Variants in NET1 observed in about 807,000 individuals in gnomAD.
NET1 encodes neuroepithelial cell-transforming gene 1 protein.
In NET1, 42 loss-of-function variants were observed where a neutral mutation model predicts 61.1. The ratio of observed to expected loss-of-function variants is 0.69; its 90% CI spans 0.54 to 0.89. NET1 has a LOEUF of 0.89. Among genes scored for constraint, NET1 ranks in the 40% least tolerant of loss-of-function variants. The pLI is 0.00. For synonymous variants in NET1, 254 were observed against 281.8 expected, an observed-to-expected ratio of 0.90 and a Z score of 0.99; for missense variants, 654 against 747.3, an observed-to-expected ratio of 0.88 and a Z score of 1.46.
At chr10:5,445,145 T>G (rs1832585910) in intron 3 of NET1, among the ~76,000 whole-genome samples, 1 of 152,254 alleles carries the variant, frequency 6.6e-6, no homozygotes, top group Admixed American at 6.5e-5. Flanking sequence ...ATTGAGTACA[T>G]CCATCTGTTC....
rs763871634 is a variant in NET1 at position 5,453,702 on chromosome 10, A to C, written c.768+142A>C. 52 of 676,182 alleles carry C rather than the reference A, an allele frequency of 7.7e-5. No homozygotes were observed. Among genetic ancestry groups the C allele is most frequent in the Non-Finnish European group, 1.1e-4 (43 of 387,644 alleles). The allele number at this position is 676,182 out of a possible 1,614,324, so 41.9% of individuals were successfully genotyped here. A position where few individuals can be genotyped will look rare whatever the true frequency, so the allele number is the denominator to read the frequency against. ...GTTAAAACTGAACAAATTTACAGTGACATAAGAAGTTACAGTCTGTTTAAA... is the reference window on the plus strand; with the variant it reads ...GTTAAAACTGAACAAATTTACAGTGCCATAAGAAGTTACAGTCTGTTTAAA... On this transcript the variant is annotated intron_variant, in intron 8 of 11. Coordinates refer to ENST00000355029, the MANE Select transcript of NET1 (RefSeq NM_001047160.3). This position sits in a 1 kb window ranked among gnomAD's most constrained non-coding sequence, Gnocchi z 4.9.
chr10:5,453,629 T>C lies in NET1; in HGVS notation c.768+69T>C. On this transcript the variant is annotated intron_variant, in intron 8 of 11. Transcript: ENST00000355029. The surrounding 1 kb of genome is among the most constrained non-coding windows in gnomAD (Gnocchi z 4.9). ...GTGCCATGTTGCAGTTTCTGATGAA[T>C]ATGAGACAGATTTGATCCCACAACT... 7.4e-7 allele frequency: 1 copy of C among 1,346,744 alleles called. No homozygotes were observed. Among genetic ancestry groups the C allele is most frequent in the African/African-American group, 1.4e-5 (1 of 69,482 alleles). The allele number at this position is 1,346,744 out of a possible 1,614,324, so 83.4% of individuals were successfully genotyped here. A position where few individuals can be genotyped will look rare whatever the true frequency, so the allele number is the denominator to read the frequency against.
At position 5,435,522 on chromosome 10, in the gene NET1, TAGATAGATAGACAGAC is replaced by T. The variant is rs1241351217; in HGVS notation, c.255+6297_255+6312del. On this transcript the variant is annotated intron_variant, in intron 3 of 11. Transcript: ENST00000355029. The surrounding 1 kb of genome is among the most constrained non-coding windows in gnomAD (Gnocchi z 5.0). ...ATAGATAGATAGATAGATAGATAGA[TAGATAGATAGACAGAC>T]AGACAGATAGATAGATAGATAGATA... Among the ~76,000 whole-genome samples, 676 of 32,682 alleles carry T rather than the reference TAGATAGATAGACAGAC, an allele frequency of 0.021. 9 individuals are homozygous for T. Among genetic ancestry groups the T allele is most frequent in the Middle Eastern group, 0.089 (5 of 56 alleles). 21.4% of individuals were successfully genotyped at this position (32,682 alleles called of 152,430 possible).
chr10:5,417,906 T>C lies in NET1; in HGVS notation c.128+5086T>C. On this transcript the variant is annotated intron_variant, in intron 1 of 11. Transcript: ENST00000355029. The surrounding 1 kb of genome is among the most constrained non-coding windows in gnomAD (Gnocchi z 5.5). ...AGGTTTTAGGGTTTTTTTTCTTTTGTCTATTGAAATGATCATGTGGTTGTT... is the reference window on the plus strand; with the variant it reads ...AGGTTTTAGGGTTTTTTTTCTTTTGCCTATTGAAATGATCATGTGGTTGTT... Among the ~76,000 whole-genome samples, 1 of 152,214 alleles carries C rather than the reference T, an allele frequency of 6.6e-6. No homozygotes were observed.
At position 5,444,400 on chromosome 10, in the gene NET1, G is replaced by T. The variant is rs1466961193; in HGVS notation, c.256-7430G>T. Among the ~76,000 whole-genome samples, 1 of 152,100 alleles carries T rather than the reference G, an allele frequency of 6.6e-6. No homozygotes were observed. Among genetic ancestry groups the T allele is most frequent in the African/African-American group, 2.4e-5 (1 of 41,410 alleles). On this transcript the variant is annotated intron_variant, in intron 3 of 11. Transcript: ENST00000355029. This position sits in a 1 kb window ranked among gnomAD's most constrained non-coding sequence, Gnocchi z 5.3. Reference sequence around the variant, plus strand: ...GGCAATTACTTTTTATAGATTATTTGTCTTTATAAATAGTCTGCACCCACT... The same window carrying T: ...GGCAATTACTTTTTATAGATTATTTTTCTTTATAAATAGTCTGCACCCACT...
rs1382436877 is a variant in NET1, at chr10:5,449,599, A to G, written c.256-2231A>G. ...CGTTTCAGAAGTATGCTTTAGATAT[A>G]TTTACATTCACTTATCTAAATCTAA... is the stretch of plus-strand genomic sequence containing the variant. On this transcript the variant is annotated intron_variant, in intron 3 of 11. Coordinates refer to ENST00000355029, the MANE Select transcript of NET1 (RefSeq NM_001047160.3). This position sits in a 1 kb window ranked among gnomAD's most constrained non-coding sequence, Gnocchi z 4.4. Among the ~76,000 whole-genome samples the G allele has an allele frequency of 1.3e-5, 2 of 152,230 alleles. No homozygotes were observed. Among genetic ancestry groups the G allele is most frequent in the Non-Finnish European group, 2.9e-5 (2 of 68,048 alleles).
chr10:5,449,500 A>G lies in NET1; in HGVS notation c.256-2330A>G, dbSNP rs1414508973. Among the ~76,000 whole-genome samples, 1 of 152,352 alleles carries G rather than the reference A, an allele frequency of 6.6e-6. No individual in the cohort carries two copies. On this transcript the variant is annotated intron_variant, in intron 3 of 11. Coordinates refer to ENST00000355029, the MANE Select transcript of NET1 (RefSeq NM_001047160.3). This position sits in a 1 kb window ranked among gnomAD's most constrained non-coding sequence, Gnocchi z 4.4. ...TTGGATTTTTAAAGGACTGTGGAAC[A>G]TATTTAACCACCAAATACCACTTGG...
Position 5,443,004 on chromosome 10 carries a change from C to A in NET1, c.256-8826C>A, listed in dbSNP as rs968826171. On this transcript the variant is annotated intron_variant, in intron 3 of 11. Coordinates refer to ENST00000355029, the MANE Select transcript of NET1 (RefSeq NM_001047160.3). The surrounding 1 kb of genome is among the most constrained non-coding windows in gnomAD (Gnocchi z 4.8). Reference sequence around the variant, plus strand: ...GCTATAAGGCAGCTAATCTCTCAACCGTTTTTATGGTTTCCTCCTCTATAA... The same window carrying A: ...GCTATAAGGCAGCTAATCTCTCAACAGTTTTTATGGTTTCCTCCTCTATAA... Among the ~76,000 whole-genome samples, 1 of 152,182 alleles carries A rather than the reference C, an allele frequency of 6.6e-6. No homozygotes were observed. Among genetic ancestry groups the A allele is most frequent in the African/African-American group, 2.4e-5 (1 of 41,438 alleles).
chr10:5,452,397 G>A lies in NET1; in HGVS notation c.403G>A (p.Ala135Thr). ...TGGTGACCACAGATCCCCAGCCTCT[G>A]CCCAGAAGTTTTCTAGCAGGTCAAC... Reference protein sequence around the residue: ...LRGDHRSPASAQKFSSRSTVP... With the variant: ...LRGDHRSPASTQKFSSRSTVP... Residue 135 changes from alanine to threonine, a missense_variant, in exon 5 of 12, where the codon GCC becomes ACC. Coordinates refer to ENST00000355029, the MANE Select transcript of NET1 (RefSeq NM_001047160.3). This position sits in a 1 kb window ranked among gnomAD's most constrained non-coding sequence, Gnocchi z 4.0. 6.2e-7 allele frequency: 1 copy of A among 1,613,592 alleles called. No individual in the cohort carries two copies. The highest frequency in any genetic ancestry group is 2.2e-5 in the East Asian group (1 of 44,872).
chr10:5,419,271 G>A (rs1832128711), intron 1 of NET1, among the ~76,000 whole-genome samples: 2 of 152,230 alleles, frequency 1.3e-5, no homozygotes, highest in East Asian at 3.9e-4. Context: ...TGAAACTAAA[G>A]TGTGTCTCCT....
rs1335581546 is a variant in NET1 at position 5,454,764 on chromosome 10, A to T, written c.1027-184A>T. Among the ~76,000 whole-genome samples, 1 of 152,206 alleles carries T rather than the reference A, an allele frequency of 6.6e-6. No homozygotes were observed. The highest frequency in any genetic ancestry group is 2.4e-5 in the African/African-American group (1 of 41,454). On this transcript the variant is annotated intron_variant, in intron 9 of 11. Transcript: ENST00000355029. The surrounding 1 kb of genome is among the most constrained non-coding windows in gnomAD (Gnocchi z 8.1). Reference sequence around the variant, plus strand: ...ATCTCACCTTGTCACCTTTGAACAAATCACTCAATTTGGCTAGGACTGTTT... The same window carrying T: ...ATCTCACCTTGTCACCTTTGAACAATTCACTCAATTTGGCTAGGACTGTTT...
At position 5,416,071 on chromosome 10, in the gene NET1, A is replaced by G. The variant is rs143493607; in HGVS notation, c.128+3251A>G. ...ATCCATTTTGAGTTAGTTTTTGTAT[A>G]TAATGTGAGATGACGGTCCAACTTA... is the stretch of plus-strand genomic sequence containing the variant. On this transcript the variant is annotated intron_variant, in intron 1 of 11. Coordinates refer to ENST00000355029, the MANE Select transcript of NET1 (RefSeq NM_001047160.3). The surrounding 1 kb of genome is among the most constrained non-coding windows in gnomAD (Gnocchi z 6.1). 1.3e-5 allele frequency among the ~76,000 whole-genome samples: 2 copies of G among 152,298 alleles called. No individual in the cohort carries two copies. Among genetic ancestry groups the G allele is most frequent in the East Asian group, 3.9e-4 (2 of 5,184 alleles).
In NET1 at chr10:5,420,878, G is replaced by GTCAC. The variant is rs1418499894; in HGVS notation, c.129-5775_129-5772dup. Among the ~76,000 whole-genome samples the GTCAC allele has an allele frequency of 6.6e-6, 1 of 152,128 alleles. No homozygotes were observed. Among genetic ancestry groups the GTCAC allele is most frequent in the Non-Finnish European group, 1.5e-5 (1 of 68,024 alleles). On this transcript the variant is annotated intron_variant, in intron 1 of 11. Coordinates refer to ENST00000355029, the MANE Select transcript of NET1 (RefSeq NM_001047160.3). The surrounding 1 kb of genome is among the most constrained non-coding windows in gnomAD (Gnocchi z 5.3). ...CAAAGTGCTGGGATTACAAGTATGA[G>GTCAC]TCACTGTGCCCGGCCAGCAAGGGTC... is the stretch of plus-strand genomic sequence containing the variant.
chr10:5,413,469 C>T (rs995348094), intron 1 of NET1, among the ~76,000 whole-genome samples: 4 of 151,724 alleles, frequency 2.6e-5, no homozygotes, highest in Non-Finnish European at 5.9e-5. Context: ...GTGTATGACT[C>T]GTGTTTGGCT....
At position 5,435,785 on chromosome 10, in the gene NET1, A is replaced by G. The variant is rs1045170707; in HGVS notation, c.255+6556A>G. Among the ~76,000 whole-genome samples, 2 of 152,236 alleles carry G rather than the reference A, an allele frequency of 1.3e-5. No homozygotes were observed. The highest frequency in any genetic ancestry group is 2.1e-4 in the South Asian group (1 of 4,822). On this transcript the variant is annotated intron_variant, in intron 3 of 11. Transcript: ENST00000355029. This position sits in a 1 kb window ranked among gnomAD's most constrained non-coding sequence, Gnocchi z 5.0. ...GTCTTGAAGCTGTGATTGTTTATCA[A>G]ATTTTTCTCTAGGTAAAATTTCAGC...
intron 3 of NET1, among the ~76,000 whole-genome samples, chr10:5,450,993 C>T (rs933419699): frequency 6.6e-6 from 1 of 152,172 alleles, no homozygotes; most frequent in Non-Finnish European, 1.5e-5. Flanking sequence ...TCTAATTTAT[C>T]TATGAATCCC....
rs1045124062 is a variant in NET1 at position 5,441,782 on chromosome 10, G to A, written c.256-10048G>A. 5.3e-5 allele frequency among the ~76,000 whole-genome samples: 8 copies of A among 151,790 alleles called. No homozygotes were observed. The highest frequency in any genetic ancestry group is 4.2e-4 in the South Asian group (2 of 4,808). ...TATAACTTCATTACTAATTTCTTTCGTACTTATCCAGTTCAAATGTAACTC... is the reference window on the plus strand; with the variant it reads ...TATAACTTCATTACTAATTTCTTTCATACTTATCCAGTTCAAATGTAACTC... On this transcript the variant is annotated intron_variant, in intron 3 of 11. Transcript: ENST00000355029. This position sits in a 1 kb window ranked among gnomAD's most constrained non-coding sequence, Gnocchi z 4.6.
rs1588419667 is a variant in NET1 at position 5,412,914 on chromosome 10, G to T, written c.128+94G>T. The stretch of plus-strand genomic sequence containing the variant: ...GAGTGTTGGAGAGGCAAGGGCCGGG[G>T]GGAGGGGAGGGCTGGCCGGGAGTTG... On this transcript the variant is annotated intron_variant, in intron 1 of 11. Transcript: ENST00000355029. This position sits in a 1 kb window ranked among gnomAD's most constrained non-coding sequence, Gnocchi z 6.5. 1.6e-5 allele frequency: 19 copies of T among 1,175,084 alleles called. No individual in the cohort carries two copies. The East Asian group carries it at 6.2e-4, about 38-fold the overall frequency. The allele number at this position is 1,175,084 out of a possible 1,614,324, so 72.8% of individuals were successfully genotyped here.
rs1832635927 is a variant in NET1 at position 5,447,598 on chromosome 10, C to CAA, written c.256-4232_256-4231insAA. Among the ~76,000 whole-genome samples the CAA allele has an allele frequency of 6.6e-6, 1 of 152,036 alleles. No individual in the cohort carries two copies. Among genetic ancestry groups the CAA allele is most frequent in the African/African-American group, 2.4e-5 (1 of 41,368 alleles). ...ATCTCTTGATTGTGGTAGTGGTTTC[C>CAA]GTCTCTATACACACGTCAAAACTTA... On this transcript the variant is annotated intron_variant, in intron 3 of 11. Coordinates refer to ENST00000355029, the MANE Select transcript of NET1 (RefSeq NM_001047160.3). This position sits in a 1 kb window ranked among gnomAD's most constrained non-coding sequence, Gnocchi z 4.1.
Sources: allele counts gnomAD v4.1 joint callset (sites outside exome capture counted in the v4.1 genomes callset), GRCh38; gene constraint gnomAD v4.1.1; non-coding constraint Gnocchi (gnomAD v3.1); transcripts MANE v1.5; gene names NCBI Gene and HGNC (gene_info 2026-07-23, HGNC 2026-07-21).